Variants in PLAAT5 observed in about 807,000 individuals in gnomAD.
PLAAT5 encodes phospholipase A and acyltransferase 5, also known as Ca(2+)-independent N-acyltransferase.
Under a neutral mutation model 27.8 loss-of-function variants are expected in PLAAT5, and 27 were observed. The observed-to-expected ratio is 0.97, with a 90% CI of 0.72 to 1.34. The LOEUF is 1.34. Ranked by LOEUF, PLAAT5 falls within the 40% of genes most tolerant of loss-of-function variation. The pLI is 0.00. For synonymous variants in PLAAT5, 125 were observed against 136.1 expected (o/e 0.92, Z 0.57); for missense variants, 368 against 343.8 (o/e 1.07, Z -0.56).
intron 3 of PLAAT5, among the ~76,000 whole-genome samples, chr11:63,479,935 G>A (rs1000992747): frequency 1.1e-4 from 16 of 152,168 alleles, no homozygotes; most frequent in African/African-American, 2.9e-4. Context: ...CACTTGACAC[G>A]TTATGTTACT....
chr11:63,463,690 C>G, intron 5 of PLAAT5, 95 bp from the exon 6 acceptor site: 1 of 906,590 alleles, frequency 1.1e-6, no homozygotes, highest in Non-Finnish European at 1.8e-6. Flanking sequence ...AGCAACCAGC[C>G]TGTCTGGAGT....
Position 63,491,006 on chromosome 11 carries a change from T to C in PLAAT5, c.29A>G (p.Glu10Gly), listed in dbSNP as rs1003348545. Reference sequence around the variant, plus strand: ...AATCCTAGGGAGGCGGAGCGCGTACTCCCCCTCGGCGCCCGGGCTCAGGCC... The same window carrying C: ...AATCCTAGGGAGGCGGAGCGCGTACCCCCCCTCGGCGCCCGGGCTCAGGCC... MGLSPGAEGEYALRLPRIPP... is the reference protein window; with the variant it reads MGLSPGAEGGYALRLPRIPP... Residue 10 changes from glutamate (E) to glycine (G), a missense_variant, in exon 1 of 6, where the codon GAG (glutamate) becomes GGG (glycine). By Grantham distance (98) the Glu-to-Gly change is moderately conservative. Transcript: ENST00000540857. 2 of 1,518,196 alleles carry C rather than the reference T, an allele frequency of 1.3e-6. No homozygotes were observed. Among genetic ancestry groups the C allele is most frequent in the Admixed American group, 2.1e-5 (1 of 47,556 alleles). The allele number at this position is 1,518,196 out of a possible 1,614,324, so 94.0% of individuals were successfully genotyped here.
chr11:63,468,983 G>C (rs976536498), intron 3 of PLAAT5, among the ~76,000 whole-genome samples: 1 of 152,004 alleles, frequency 6.6e-6, no homozygotes, highest in Non-Finnish European at 1.5e-5. Context: ...CCCTCTGCAG[G>C]GCCCCCACGT....
chr11:63,479,990 C>G (rs931622235), intron 3 of PLAAT5, among the ~76,000 whole-genome samples: 1 of 152,176 alleles, frequency 6.6e-6, no homozygotes, highest in African/African-American at 2.4e-5. Flanking sequence ...TGACCACAGA[C>G]CCCAATACCT....
rs377110717 is a variant in PLAAT5 at position 63,469,145 on chromosome 11, T to TGTGTGTGA, written c.346-681_346-680insTCACACAC. On this transcript the variant is annotated intron_variant, in intron 3 of 5. Transcript: ENST00000540857. Reference sequence around the variant, plus strand: ...GTGTGTGTGTGTGTGTGTGTGTGTGTGAGAGAGAGAGAGAGACAGGTAGAG... The same window carrying TGTGTGTGA: ...GTGTGTGTGTGTGTGTGTGTGTGTGTGTGTGTGAGAGAGAGAGAGAGAGACAGGTAGAG... 8.4e-3 allele frequency among the ~76,000 whole-genome samples: 1,033 copies of TGTGTGTGA among 122,710 alleles called. 18 individuals carry two copies. Among genetic ancestry groups the TGTGTGTGA allele is most frequent in the African/African-American group, 0.028 (934 of 33,652 alleles). The allele number at this position is 122,710 out of a possible 152,430, so 80.5% of individuals were successfully genotyped here. A position where few individuals can be genotyped will look rare whatever the true frequency, so the allele number is the denominator to read the frequency against.
At chr11:63,469,145 T>TGTGTGTGTGTGTGTGTGAGAGA (rs377110717) in intron 3 of PLAAT5, among the ~76,000 whole-genome samples, 1 of 122,716 alleles carries the variant, frequency 8.1e-6, no homozygotes, top group African/African-American at 3.0e-5. Flanking sequence ...TGTGTGTGTG[T>TGTGTGTGTGTGTGTGTGAGAGA]GAGAGAGAGA....
intron 3 of PLAAT5, among the ~76,000 whole-genome samples, chr11:63,473,598 AT>A (rs1031000928): frequency 2.7e-5 from 4 of 150,930 alleles, no homozygotes; most frequent in Non-Finnish European, 3.0e-5. Flanking sequence ...GTTCAAGAGA[AT>A]TTTTTTTTAT....
chr11:63,465,801 G>A (rs1196443988), intron 5 of PLAAT5, among the ~76,000 whole-genome samples: 2 of 151,524 alleles, frequency 1.3e-5, no homozygotes, highest in African/African-American at 2.4e-5. Context: ...AAAGAAAGAG[G>A]GGAAAAAAAG....
At position 63,468,317 on chromosome 11, in the gene PLAAT5, A is replaced by C. The variant is rs764477517; in HGVS notation, c.454+40T>G. 3.5e-6 allele frequency: 5 copies of C among 1,421,346 alleles called. No homozygotes were observed. In the Admixed American group the frequency reaches 8.7e-5, roughly 25 times the overall value. 88.0% of individuals were successfully genotyped at this position (1,421,346 alleles called of 1,614,324 possible). On this transcript the variant is annotated intron_variant, in intron 4 of 5. Transcript: ENST00000540857. ...TAACTGTGCTTCTATTTACTTTGCT[A>C]ACTTCAATATCAGTATTTCAATAGA...
chr11:63,469,145 T>TGTGTGTGTGTGTGTGAGA (rs377110717), intron 3 of PLAAT5, among the ~76,000 whole-genome samples: 25 of 122,796 alleles, frequency 2.0e-4, no homozygotes, highest in African/African-American at 6.2e-4. Flanking sequence ...TGTGTGTGTG[T>TGTGTGTGTGTGTGTGAGA]GAGAGAGAGA....
chr11:63,468,911 A>C (rs1315525895), intron 3 of PLAAT5, among the ~76,000 whole-genome samples: 1 of 151,622 alleles, frequency 6.6e-6, no homozygotes, highest in Non-Finnish European at 1.5e-5. Flanking sequence ...GTGGACATCT[A>C]GTAGAGTTCT....
At position 63,488,523 on chromosome 11, in the gene PLAAT5, A is replaced by G. The variant is rs569173296; in HGVS notation, c.345+348T>C. ...TAAAACTGCTTTAAAACAAAGCATAACCAACATCCCAAATCAGGATATTTA... is the reference window on the plus strand; with the variant it reads ...TAAAACTGCTTTAAAACAAAGCATAGCCAACATCCCAAATCAGGATATTTA... On this transcript the variant is annotated intron_variant, in intron 3 of 5. Transcript: ENST00000540857. Among the ~76,000 whole-genome samples the G allele has an allele frequency of 5.9e-5, 9 of 152,332 alleles. No homozygotes were observed. In the South Asian group the frequency reaches 1.7e-3, roughly 28 times the overall value.
chr11:63,475,696 T>G (rs1429106504), intron 3 of PLAAT5, among the ~76,000 whole-genome samples: 1 of 152,070 alleles, frequency 6.6e-6, no homozygotes, highest in Non-Finnish European at 1.5e-5. Context: ...CTGTTCCTCT[T>G]TTGCCTTCTT....
chr11:63,483,876 CT>C, intron 3 of PLAAT5, among the ~76,000 whole-genome samples: 1 of 114,158 alleles, frequency 8.8e-6, no homozygotes, highest in East Asian at 2.6e-4. Flanking sequence ...AAAGCTGGTT[CT>C]TTGAAAAGAT....
chr11:63,486,772 T>C (rs2016445561), intron 3 of PLAAT5, among the ~76,000 whole-genome samples: 1 of 152,172 alleles, frequency 6.6e-6, no homozygotes, highest in Non-Finnish European at 1.5e-5. Context: ...AACTTTTGCA[T>C]GCAACCAAAC....
chr11:63,487,054 A>T (rs2120343542), intron 3 of PLAAT5, among the ~76,000 whole-genome samples: 1 of 152,324 alleles, frequency 6.6e-6, no homozygotes, highest in South Asian at 2.1e-4. Context: ...TCAACAGTTC[A>T]TTCCTTTTTA....
chr11:63,469,638 A>C (rs1249834888), intron 3 of PLAAT5: 1 of 207,278 alleles, frequency 4.8e-6, no homozygotes, highest in Non-Finnish European at 1.1e-5. Flanking sequence ...GGAGGTCATA[A>C]TGGACTTAAT....
rs965004515 is a variant in PLAAT5, at chr11:63,471,504, T to G, written c.346-3039A>C. Among the ~76,000 whole-genome samples the G allele has an allele frequency of 2.0e-5, 3 of 152,316 alleles. No homozygotes were observed. The East Asian group carries it at 5.8e-4, about 29-fold the overall frequency. Reference sequence around the variant, plus strand: ...TTGCATCAGATCTATGATAGATTCTTTTTCATTAGTTGGGCATTATTTATG... The same window carrying G: ...TTGCATCAGATCTATGATAGATTCTGTTTCATTAGTTGGGCATTATTTATG... On this transcript the variant is annotated intron_variant, in intron 3 of 5. Coordinates refer to ENST00000540857, the MANE Select transcript of PLAAT5 (RefSeq NM_001146729.2).
rs1266526308 is a variant in PLAAT5 at position 63,461,632 on chromosome 11, C to T, written c.*1871G>A. The T allele has an allele frequency of 6.6e-6, 1 of 152,192 alleles. No homozygotes were observed. The highest frequency in any genetic ancestry group is 2.4e-5 in the African/African-American group (1 of 41,438). 9.4% of individuals were successfully genotyped at this position (152,192 alleles called of 1,614,324 possible). On this transcript the variant is annotated 3_prime_UTR_variant, in exon 6 of 6. Coordinates refer to ENST00000540857, the MANE Select transcript of PLAAT5 (RefSeq NM_001146729.2). The stretch of plus-strand genomic sequence containing the variant: ...ACACACACACACACTTTGAGAAACT[C>T]GCCCTTCCTCATCTTCAAAGTGTGG...
Sources: gnomAD v4.1 joint callset for allele counts (sites outside exome capture counted in the v4.1 genomes callset) on GRCh38, gnomAD v4.1.1 for gene constraint, MANE v1.5 for transcripts, NCBI Gene and HGNC (gene_info 2026-07-23, HGNC 2026-07-21) for gene names.